The following PARD3B variants were observed in gnomAD, a reference collection of about 807,000 sequenced individuals.
PARD3B encodes the protein partitioning defective 3 homolog B.
Under a neutral mutation model 130.2 loss-of-function variants are expected in PARD3B, and 103 were observed. The observed-to-expected ratio is 0.79, with a 90% CI of 0.67 to 0.93. The LOEUF is 0.93. Ranked by LOEUF, PARD3B falls within the 40% of genes least tolerant of loss-of-function variation. The probability of loss-of-function intolerance (pLI) is 0.00; values close to 1 mark genes in which losing one functional copy is unlikely to be tolerated. For synonymous variants in PARD3B, 583 were observed against 553.2 expected (o/e 1.05, Z -0.76); for missense variants, 1,609 against 1,499.2 (o/e 1.07, Z -1.21).
chr2:205,610,032 C>T (rs1043326004), intron 22 of PARD3B, among the ~76,000 whole-genome samples: 1 of 152,218 alleles, frequency 6.6e-6, no homozygotes, highest in African/African-American at 2.4e-5. Flanking sequence ...TTTTCCCCTT[C>T]AATAATGTCA....
intron 4 of PARD3B, among the ~76,000 whole-genome samples, chr2:205,051,363 A>G (rs1025653396): frequency 2.0e-4 from 30 of 152,228 alleles, no homozygotes; most frequent in African/African-American, 7.2e-4. Context: ...CAATATCCAC[A>G]GGAAGAAAAA....
At chr2:204,851,985 A>G (rs907251959) in intron 2 of PARD3B, among the ~76,000 whole-genome samples, 3 of 152,148 alleles carry the variant, frequency 2.0e-5, no homozygotes, top group Admixed American at 6.6e-5. Flanking sequence ...GAGCCGCCAC[A>G]CCCAGCTGAC....
chr2:205,270,262 G>C (rs1450561638), intron 16 of PARD3B, among the ~76,000 whole-genome samples: 2 of 152,108 alleles, frequency 1.3e-5, no homozygotes, highest in Admixed American at 1.3e-4. Context: ...CTAGGCTGCA[G>C]ATAACAGAAA....
Position 205,525,295 on chromosome 2 carries a change from AAT to A in PARD3B, c.3180+25268_3180+25269del, listed in dbSNP as rs2051287067. On this transcript the variant is annotated intron_variant, in intron 21 of 22. Coordinates refer to ENST00000406610, the MANE Select transcript of PARD3B (RefSeq NM_001302769.2). The surrounding 1 kb of genome is among the most constrained non-coding windows in gnomAD (Gnocchi z 4.2). The stretch of plus-strand genomic sequence containing the variant: ...CACTCCAAGAGTGGGGTCTCTGGAA[AAT>A]ATAGTAACAAAGCTGGTTTTCTAGT... Among the ~76,000 whole-genome samples, 1 of 152,210 alleles carries A rather than the reference AAT, an allele frequency of 6.6e-6. No homozygotes were observed. The highest frequency in any genetic ancestry group is 1.5e-5 in the Non-Finnish European group (1 of 68,040).
intron 2 of PARD3B, among the ~76,000 whole-genome samples, chr2:204,953,593 T>C (rs1689998406): frequency 6.6e-6 from 1 of 152,124 alleles, no homozygotes; most frequent in African/African-American, 2.4e-5. Flanking sequence ...TATCATCATA[T>C]CTTGCCCCTA....
intron 16 of PARD3B, among the ~76,000 whole-genome samples, chr2:205,259,606 A>T (rs1162810326): frequency 6.6e-6 from 1 of 151,974 alleles, no homozygotes; most frequent in Non-Finnish European, 1.5e-5. Flanking sequence ...AATGTTTTTT[A>T]TCACTTCTGG....
chr2:204,581,170 G>T (rs1379346979), intron 1 of PARD3B, among the ~76,000 whole-genome samples: 1 of 152,124 alleles, frequency 6.6e-6, no homozygotes, highest in Non-Finnish European at 1.5e-5. Context: ...TAGGAGACAG[G>T]TTTGGAGGAA....
intron 16 of PARD3B, among the ~76,000 whole-genome samples, chr2:205,259,439 A>G (rs1026595633): frequency 5.9e-5 from 9 of 152,126 alleles, no homozygotes; most frequent in African/African-American, 2.2e-4. Flanking sequence ...CCATCAGTCT[A>G]ATTGGCTTCT....
chr2:205,076,979 C>T (rs1388600379), intron 4 of PARD3B, among the ~76,000 whole-genome samples: 5 of 152,104 alleles, frequency 3.3e-5, no homozygotes, highest in Non-Finnish European at 5.9e-5. Flanking sequence ...TTGGAAGCAC[C>T]ATCCACTAAC....
chr2:205,418,633 A>G (rs2046863008), intron 19 of PARD3B, among the ~76,000 whole-genome samples: 1 of 152,196 alleles, frequency 6.6e-6, no homozygotes, highest in Non-Finnish European at 1.5e-5. Context: ...ATAAAGTACA[A>G]CTTAACTGTG....
intron 21 of PARD3B, among the ~76,000 whole-genome samples, chr2:205,505,074 G>A (rs377717891): frequency 3.9e-5 from 6 of 152,180 alleles, no homozygotes; most frequent in Admixed American, 1.3e-4. Flanking sequence ...AAAATGATGA[G>A]TTCATGTCGT....
At chr2:205,437,870 T>C (rs1202195926) in intron 19 of PARD3B, among the ~76,000 whole-genome samples, 1 of 152,116 alleles carries the variant, frequency 6.6e-6, no homozygotes, top group Non-Finnish European at 1.5e-5. Context: ...TTTTAACAGG[T>C]TGAGTTCCCA....
intron 2 of PARD3B, among the ~76,000 whole-genome samples, chr2:204,744,174 C>G (rs1265128891): frequency 2.6e-5 from 4 of 152,078 alleles, no homozygotes; most frequent in Non-Finnish European, 5.9e-5. Flanking sequence ...ATGATTAAGC[C>G]TGACTGAATT....
intron 1 of PARD3B, among the ~76,000 whole-genome samples, chr2:204,546,841 TTAAG>T (rs752043504): frequency 2.0e-5 from 3 of 152,308 alleles, no homozygotes; most frequent in East Asian, 3.9e-4. Context: ...CAAGTATAAA[TTAAG>T]TGACAATTTT....
chr2:204,995,209 T>C (rs1289107288), intron 3 of PARD3B, among the ~76,000 whole-genome samples: 4 of 152,226 alleles, frequency 2.6e-5, no homozygotes, highest in East Asian at 1.9e-4. Flanking sequence ...GATTTTGCAG[T>C]GGCTGATACT....
Position 205,230,248 on chromosome 2 carries a change from A to G in PARD3B, c.2141-15530A>G, listed in dbSNP as rs1246736639. On this transcript the variant is annotated intron_variant, in intron 15 of 22. Transcript: ENST00000406610. This position sits in a 1 kb window ranked among gnomAD's most constrained non-coding sequence, Gnocchi z 4.1. ...TTGGGAATGTGCTGGGCCATACCAT[A>G]AGTTAGCATGTCTCTGAGTCTCACC... Among the ~76,000 whole-genome samples the G allele has an allele frequency of 6.6e-6, 1 of 151,532 alleles. No individual in the cohort carries two copies. The highest frequency in any genetic ancestry group is 1.5e-5 in the Non-Finnish European group (1 of 67,922).
At chr2:205,086,668 G>A (rs895504793) in intron 4 of PARD3B, among the ~76,000 whole-genome samples, 6 of 151,952 alleles carry the variant, frequency 3.9e-5, no homozygotes, top group African/African-American at 1.4e-4. Context: ...ACCTTTGGAG[G>A]CACTCCTGAA....
intron 1 of PARD3B, among the ~76,000 whole-genome samples, chr2:204,655,506 C>A (rs1228233185): frequency 6.6e-6 from 1 of 152,100 alleles, no homozygotes; most frequent in East Asian, 1.9e-4. Context: ...GTTTTAAGTG[C>A]CCTTCCCTAA....
chr2:205,249,621 A>G (rs2039750273), intron 16 of PARD3B, among the ~76,000 whole-genome samples: 1 of 152,168 alleles, frequency 6.6e-6, no homozygotes, highest in Non-Finnish European at 1.5e-5. Flanking sequence ...TTAGTCCAGT[A>G]TTCTTGAGAT....
Sources: allele counts gnomAD v4.1 joint callset (sites outside exome capture counted in the v4.1 genomes callset), GRCh38; gene constraint gnomAD v4.1.1; non-coding constraint Gnocchi (gnomAD v3.1); transcripts MANE v1.5; gene names NCBI Gene and HGNC (gene_info 2026-07-23, HGNC 2026-07-21).